Variants in MSH3 observed in about 807,000 individuals in gnomAD.
MSH3 encodes DNA mismatch repair protein Msh3.
MSH3 carries 106 observed loss-of-function variants against 123.3 expected under a neutral mutation model. The observed-to-expected ratio is 0.86, with a 90% CI of 0.73 to 1.01. The LOEUF is 1.01. Among genes scored for constraint, MSH3 ranks in the 50% least tolerant of loss-of-function variants. MSH3 has a pLI of 0.00. For synonymous variants in MSH3, 515 were observed against 481.4 expected (o/e 1.07, Z -0.91); for missense variants, 1,459 against 1,347.6 (o/e 1.08, Z -1.29).
intron 8 of MSH3, among the ~76,000 whole-genome samples, chr5:80,692,245 TTTAGATAGATAGATAAACATGTATATG>T (rs1750297207): frequency 3.9e-5 from 3 of 77,708 alleles, no homozygotes; most frequent in African/African-American, 1.6e-4. Context: ...CATGTATATG[TTTAGATAGATAGATAAACATGTATATG>T]TTAGATAGAT....
At chr5:80,719,016 A>G (rs1751020508) in intron 8 of MSH3, among the ~76,000 whole-genome samples, 1 of 151,400 alleles carries the variant, frequency 6.6e-6, no homozygotes, top group South Asian at 2.1e-4. Context: ...TTCTCCAGTA[A>G]TCCTTCCCTA....
intron 10 of MSH3, among the ~76,000 whole-genome samples, chr5:80,738,741 TG>T (rs1477492572): frequency 1.3e-5 from 2 of 152,202 alleles, no homozygotes; most frequent in African/African-American, 4.8e-5. Flanking sequence ...TCATGCCAAC[TG>T]TTATGGCCTG....
chr5:80,740,846 C>G (rs1453104762), intron 10 of MSH3, among the ~76,000 whole-genome samples: 1 of 151,920 alleles, frequency 6.6e-6, no homozygotes, highest in Non-Finnish European at 1.5e-5. Flanking sequence ...TCCCGAGTAC[C>G]TGGGACTACA....
At chr5:80,727,138 C>G (rs1410951439) in intron 9 of MSH3, among the ~76,000 whole-genome samples, 1 of 152,194 alleles carries the variant, frequency 6.6e-6, no homozygotes, top group African/African-American at 2.4e-5. Flanking sequence ...GGCCAAAACT[C>G]TGTAGTCAGG....
At position 80,716,953 on chromosome 5, in the gene MSH3, T is replaced by A. The variant is rs538816023; in HGVS notation, c.1341-8500T>A. Among the ~76,000 whole-genome samples, 3 of 152,338 alleles carry A rather than the reference T, an allele frequency of 2.0e-5. No individual in the cohort carries two copies. In the South Asian group the frequency reaches 6.2e-4, roughly 32 times the overall value. ...TAGCTCCCACATTTGAGTGAGAACA[T>A]GTGATATTCGTCTTTTGGTACCTGG... On this transcript the variant is annotated intron_variant, in intron 8 of 23. Coordinates refer to ENST00000265081, the MANE Select transcript of MSH3 (RefSeq NM_002439.5).
chr5:80,694,312 T>G (rs75171718), intron 8 of MSH3, among the ~76,000 whole-genome samples: 6,357 of 152,288 alleles, frequency 0.042, 200 homozygotes, highest in Non-Finnish European at 0.066. Context: ...GTCATGTAGC[T>G]TTTTTACAGG....
At chr5:80,805,088 G>A (rs1744863721) in intron 19 of MSH3, among the ~76,000 whole-genome samples, 1 of 152,192 alleles carries the variant, frequency 6.6e-6, no homozygotes, top group Admixed American at 6.5e-5. Flanking sequence ...TCTCCAGAAA[G>A]TGAAGTTTTT....
chr5:80,681,532 A>G (rs1749967035), intron 8 of MSH3, among the ~76,000 whole-genome samples: 2 of 152,064 alleles, frequency 1.3e-5, no homozygotes, highest in Admixed American at 1.3e-4. Flanking sequence ...AAAAATGAAT[A>G]TAGAAATGGA....
At chr5:80,775,031 G>A (rs977774987) in intron 15 of MSH3, among the ~76,000 whole-genome samples, 5 of 152,128 alleles carry the variant, frequency 3.3e-5, no homozygotes, top group South Asian at 2.1e-4. Flanking sequence ...TGATTATTAC[G>A]CATTGTATGT....
chr5:80,761,526 C>T lies in MSH3; in HGVS notation c.1764-20C>T, dbSNP rs374119797. 1.9e-5 allele frequency: 31 copies of T among 1,613,512 alleles called. No individual in the cohort carries two copies. Among genetic ancestry groups the T allele is most frequent in the Non-Finnish European group, 2.6e-5 (31 of 1,179,666 alleles). ...GAATTCCTAACATATCTGATTATTG[C>T]TATTACTCTTTTCTCACAGGGAAAT... On this transcript the variant is annotated intron_variant, in intron 12 of 23. Transcript: ENST00000265081.
intron 19 of MSH3, among the ~76,000 whole-genome samples, chr5:80,808,859 A>ATATATATATATATATC (rs1554074139): frequency 1.6e-5 from 1 of 64,050 alleles, no homozygotes; most frequent in East Asian, 1.2e-3. Flanking sequence ...TATCTTCTTC[A>ATATATATATATATATC]TATATATATA....
At chr5:80,690,495 C>T (rs982144368) in intron 8 of MSH3, among the ~76,000 whole-genome samples, 4 of 151,902 alleles carry the variant, frequency 2.6e-5, no homozygotes, top group Admixed American at 6.6e-5. Context: ...TTTGTAGAGA[C>T]GTATTTTCGT....
At chr5:80,799,532 T>A (rs967445067) in intron 19 of MSH3, among the ~76,000 whole-genome samples, 6 of 112,214 alleles carry the variant, frequency 5.3e-5, no homozygotes, top group East Asian at 3.6e-4. Context: ...TTTTTTTTTT[T>A]ACAGAAAATT....
chr5:80,715,414 T>TA (rs915552701), intron 8 of MSH3: 6 of 152,170 alleles, frequency 3.9e-5, no homozygotes, highest in South Asian at 2.1e-4. Context: ...CAGATCACCA[T>TA]AAAAAATTAC....
At chr5:80,819,264 A>G (rs1042969323) in intron 20 of MSH3, among the ~76,000 whole-genome samples, 1 of 152,002 alleles carries the variant, frequency 6.6e-6, no homozygotes, top group African/African-American at 2.4e-5. Context: ...TGGCCCAATA[A>G]TGAGATTTAA....
intron 10 of MSH3, among the ~76,000 whole-genome samples, chr5:80,734,506 A>G (rs565023444): frequency 1.6e-4 from 24 of 152,336 alleles, no homozygotes; most frequent in Middle Eastern, 6.8e-3. Context: ...AAATGTCAGT[A>G]GTGCTGAGAT....
intron 19 of MSH3, among the ~76,000 whole-genome samples, chr5:80,793,697 C>T (rs1744647476): frequency 6.6e-6 from 1 of 152,082 alleles, no homozygotes; most frequent in African/African-American, 2.4e-5. Flanking sequence ...GGTTGGAGTG[C>T]AGAGTGTGAA....
rs990652161 is a variant in MSH3 at position 80,757,482 on chromosome 5, C to A, written c.1764-4064C>A. On this transcript the variant is annotated intron_variant, in intron 12 of 23. Coordinates refer to ENST00000265081, the MANE Select transcript of MSH3 (RefSeq NM_002439.5). ...CACATGGTAGATACTCATGTCACCA[C>A]CTAGTTTATCTTCAAATGTGAAGGA... 1.6e-4 allele frequency among the ~76,000 whole-genome samples: 25 copies of A among 152,084 alleles called. 1 individual carries two copies. The highest frequency in any genetic ancestry group is 4.4e-5 in the Non-Finnish European group (3 of 67,998).
At chr5:80,750,028 C>G (rs1328883129) in intron 12 of MSH3, among the ~76,000 whole-genome samples, 1 of 147,838 alleles carries the variant, frequency 6.8e-6, no homozygotes, top group Non-Finnish European at 1.5e-5. Flanking sequence ...TCCATATTGT[C>G]AAATGATAGA....
Sources: allele counts gnomAD v4.1 joint callset (sites outside exome capture counted in the v4.1 genomes callset), GRCh38; gene constraint gnomAD v4.1.1; transcripts MANE v1.5; gene names NCBI Gene and HGNC (gene_info 2026-07-23, HGNC 2026-07-21).